Variants in CDH4 observed in about 807,000 individuals in gnomAD.
The protein encoded by CDH4 is cadherin-4.
Under a neutral mutation model 86.0 loss-of-function variants are expected in CDH4, and 33 were observed. That is an observed-to-expected ratio of 0.38 (90% confidence interval 0.29 to 0.51). CDH4 has a LOEUF of 0.51. Among genes scored for constraint, CDH4 ranks in the 20% least tolerant of loss-of-function variants. CDH4 has a pLI of 0.86. For synonymous variants in CDH4, 555 were observed against 549.4 expected, an observed-to-expected ratio of 1.01 and a Z score of -0.14; for missense variants, 1,114 against 1,307.4, an observed-to-expected ratio of 0.85 and a Z score of 2.28.
intron 2 of CDH4, among the ~76,000 whole-genome samples, chr20:61,495,289 G>T (rs892544302): frequency 6.6e-6 from 1 of 152,194 alleles, no homozygotes; most frequent in Non-Finnish European, 1.5e-5. Context: ...AGGCACCTGA[G>T]GGGGAGCCGA....
intron 2 of CDH4, among the ~76,000 whole-genome samples, chr20:61,549,445 TGGGAGC>T (rs1488658274): frequency 6.7e-6 from 1 of 149,694 alleles, no homozygotes; most frequent in Non-Finnish European, 1.5e-5. Context: ...AGTGCTAAAC[TGGGAGC>T]GTCTTTTTAA....
At chr20:61,293,847 G>A (rs1214530499) in intron 2 of CDH4, among the ~76,000 whole-genome samples, 1 of 152,218 alleles carries the variant, frequency 6.6e-6, no homozygotes, top group Non-Finnish European at 1.5e-5. Flanking sequence ...CACCAGGGTG[G>A]CATCCTGGGG....
At chr20:61,629,519 C>T (rs1260072066) in intron 2 of CDH4, among the ~76,000 whole-genome samples, 38 of 152,318 alleles carry the variant, frequency 2.5e-4, no homozygotes, top group Non-Finnish European at 4.4e-5. Context: ...CGCCCTGGCA[C>T]GTGTGGTTGG....
At chr20:61,364,890 C>T (rs567949200) in intron 2 of CDH4, among the ~76,000 whole-genome samples, 4 of 152,128 alleles carry the variant, frequency 2.6e-5, no homozygotes, top group Non-Finnish European at 5.9e-5. Flanking sequence ...GAAATGCAGA[C>T]CCTCAGGCCC....
intron 2 of CDH4, among the ~76,000 whole-genome samples, chr20:61,482,459 C>T (rs531585538): frequency 1.3e-5 from 2 of 152,318 alleles, no homozygotes; most frequent in Admixed American, 6.5e-5. Context: ...TGTGGCCCCA[C>T]CCAAGTCCTG....
At chr20:61,489,246 C>A (rs1010082407) in intron 2 of CDH4, among the ~76,000 whole-genome samples, 9 of 152,288 alleles carry the variant, frequency 5.9e-5, no homozygotes, top group African/African-American at 2.2e-4. Flanking sequence ...AGCTCCTGTG[C>A]CTCTCCTGTT....
chr20:61,454,199 G>A (rs1183609104), intron 2 of CDH4, among the ~76,000 whole-genome samples: 3 of 152,190 alleles, frequency 2.0e-5, no homozygotes, highest in African/African-American at 4.8e-5. Flanking sequence ...CCCAGGCCCT[G>A]GGCCGGCTGC....
At position 61,377,050 on chromosome 20, in the gene CDH4, G is replaced by A. The variant is rs1174591913; in HGVS notation, c.169+122113G>A. ...GCTGTAGGATGATCAAAATATGAACGTGCACCCACCACCAACACGTGAGGG... is the reference window on the plus strand; with the variant it reads ...GCTGTAGGATGATCAAAATATGAACATGCACCCACCACCAACACGTGAGGG... On this transcript the variant is annotated intron_variant, in intron 2 of 15. Transcript: ENST00000614565. The surrounding 1 kb of genome is among the most constrained non-coding windows in gnomAD (Gnocchi z 4.0). Among the ~76,000 whole-genome samples, 2 of 152,112 alleles carry A rather than the reference G, an allele frequency of 1.3e-5. No homozygotes were observed. The highest frequency in any genetic ancestry group is 2.9e-5 in the Non-Finnish European group (2 of 68,022).
intron 2 of CDH4, among the ~76,000 whole-genome samples, chr20:61,669,389 C>T (rs1261355770): frequency 6.6e-6 from 1 of 152,168 alleles, no homozygotes; most frequent in East Asian, 1.9e-4. Context: ...GGAGGAGGGC[C>T]CAGGCCACAG....
chr20:61,877,525 C>G (rs1032423433), intron 7 of CDH4, among the ~76,000 whole-genome samples: 1 of 152,142 alleles, frequency 6.6e-6, no homozygotes, highest in Non-Finnish European at 1.5e-5. Context: ...TGGCGTTCTC[C>G]GCTGTGTGTG....
At chr20:61,534,636 TTTTCTTTCTTTCTTTTC>T (rs2085980328) in intron 2 of CDH4, among the ~76,000 whole-genome samples, 1 of 139,804 alleles carries the variant, frequency 7.2e-6, no homozygotes, top group Admixed American at 7.2e-5. Context: ...TGGTTTTTTC[TTTTCTTTCTTTCTTTTC>T]TTTCTTTCTT....
At chr20:61,796,536 C>A (rs952342895) in intron 4 of CDH4, among the ~76,000 whole-genome samples, 7 of 152,216 alleles carry the variant, frequency 4.6e-5, no homozygotes, top group African/African-American at 1.4e-4. Flanking sequence ...GCCATCCTCC[C>A]GGGCCCTGTA....
chr20:61,565,674 C>A (rs2086292056), intron 2 of CDH4, among the ~76,000 whole-genome samples: 1 of 152,122 alleles, frequency 6.6e-6, no homozygotes, highest in East Asian at 1.9e-4. Context: ...GACCCCTACC[C>A]AAAATGATTG....
chr20:61,774,338 ACATCTCCTG>A (rs2088813690), intron 4 of CDH4, among the ~76,000 whole-genome samples: 2 of 152,208 alleles, frequency 1.3e-5, no homozygotes, highest in African/African-American at 4.8e-5. Context: ...TCCCAGGCCC[ACATCTCCTG>A]GGCCCACTGG....
intron 2 of CDH4, among the ~76,000 whole-genome samples, chr20:61,425,642 C>T (rs1174057926): frequency 3.3e-5 from 5 of 152,256 alleles, no homozygotes; most frequent in African/African-American, 1.2e-4. Context: ...CACAGAAACC[C>T]GGGTGACGGC....
At chr20:61,675,860 G>A (rs555673318) in intron 2 of CDH4, among the ~76,000 whole-genome samples, 6 of 152,328 alleles carry the variant, frequency 3.9e-5, no homozygotes, top group East Asian at 3.9e-4. Flanking sequence ...AAGCACTCCC[G>A]TGCTTTCAGA....
intron 8 of CDH4, among the ~76,000 whole-genome samples, chr20:61,900,024 C>T (rs992236163): frequency 5.9e-5 from 9 of 152,184 alleles, no homozygotes; most frequent in Non-Finnish European, 1.0e-4. Flanking sequence ...ATGCTGCCTG[C>T]GGTCCCTCCT....
rs953510680 is a variant in CDH4, at chr20:61,326,206, G to A, written c.169+71269G>A. Among the ~76,000 whole-genome samples the A allele has an allele frequency of 5.9e-5, 9 of 152,270 alleles. No individual in the cohort carries two copies. In the Middle Eastern group the frequency reaches 0.01, roughly 173 times the overall value. ...GCCACCGTTTGCATACTTCTCCACC[G>A]CACTGCCTTGTTTTAGGAAGGGCTT... On this transcript the variant is annotated intron_variant, in intron 2 of 15. Transcript: ENST00000614565.
intron 2 of CDH4, among the ~76,000 whole-genome samples, chr20:61,580,813 C>T (rs1019868846): frequency 6.6e-6 from 1 of 152,172 alleles, no homozygotes; most frequent in Non-Finnish European, 1.5e-5. Context: ...GGGCCGACCC[C>T]AGTCCCAACT....
Sources: allele counts gnomAD v4.1 joint callset (sites outside exome capture counted in the v4.1 genomes callset), GRCh38; gene constraint gnomAD v4.1.1; non-coding constraint Gnocchi (gnomAD v3.1); transcripts MANE v1.5; gene names NCBI Gene and HGNC (gene_info 2026-07-23, HGNC 2026-07-21).